RTN1: variants seen among roughly 807,000 people sequenced by gnomAD.
RTN1 encodes reticulon 1, also known as reticulon-1.
Under a neutral mutation model 65.5 loss-of-function variants are expected in RTN1, and 25 were observed. That is an observed-to-expected ratio of 0.38 (90% confidence interval 0.28 to 0.53). RTN1 has a LOEUF of 0.53. Ranked by LOEUF, RTN1 falls within the 20% of genes least tolerant of loss-of-function variation. The pLI is 0.79. For missense variants in RTN1, 983 were observed against 1,025.4 expected (o/e 0.96, Z 0.57); for synonymous variants, 471 against 447.6 (o/e 1.05, Z -0.66).
At chr14:59,720,943 A>G (rs1884634434) in intron 3 of RTN1, among the ~76,000 whole-genome samples, 1 of 152,152 alleles carries the variant, frequency 6.6e-6, no homozygotes, top group Non-Finnish European at 1.5e-5. Context: ...AAGAATCTTT[A>G]TAGCCCGGTA....
intron 3 of RTN1, among the ~76,000 whole-genome samples, chr14:59,694,629 C>T (rs1254336236): frequency 6.6e-6 from 1 of 152,216 alleles, no homozygotes; most frequent in Non-Finnish European, 1.5e-5. Context: ...CTTAGAGCCT[C>T]ACAGCTCAGG....
At chr14:59,719,238 C>T (rs997149976) in intron 3 of RTN1, among the ~76,000 whole-genome samples, 1 of 152,210 alleles carries the variant, frequency 6.6e-6, no homozygotes, top group Non-Finnish European at 1.5e-5. Context: ...TTCCCCTTGC[C>T]TACCACATTC....
Position 59,846,504 on chromosome 14 carries a change from AC to A in RTN1, c.241+23885del, listed in dbSNP as rs1391201814. ...TCTCAGTATTCACCTCAGAGTCCCT[AC>A]CCAGACACCCTTCTGTTCAGTGTTT... On this transcript the variant is annotated intron_variant, in intron 1 of 8. Transcript: ENST00000267484. This position sits in a 1 kb window ranked among gnomAD's most constrained non-coding sequence, Gnocchi z 4.8. Among the ~76,000 whole-genome samples the A allele has an allele frequency of 1.3e-5, 2 of 151,780 alleles. No individual in the cohort carries two copies. Among genetic ancestry groups the A allele is most frequent in the African/African-American group, 4.8e-5 (2 of 41,326 alleles).
chr14:59,808,971 C>A (rs1390942712), intron 1 of RTN1, among the ~76,000 whole-genome samples: 1 of 152,114 alleles, frequency 6.6e-6, no homozygotes, highest in Non-Finnish European at 1.5e-5. Context: ...GCGAATTAAA[C>A]CTCTTTTATT....
intron 3 of RTN1, among the ~76,000 whole-genome samples, chr14:59,709,232 T>C (rs886494288): frequency 6.6e-6 from 1 of 152,190 alleles, no homozygotes; most frequent in Non-Finnish European, 1.5e-5. Flanking sequence ...ACAAAACAAA[T>C]ATGACAAAAT....
intron 1 of RTN1, among the ~76,000 whole-genome samples, chr14:59,835,194 CACA>C (rs750185591): frequency 8.5e-4 from 129 of 151,490 alleles, no homozygotes; most frequent in Non-Finnish European, 1.6e-3. Flanking sequence ...TGCTGATACA[CACA>C]ACAACATGAA....
chr14:59,724,602 C>A (rs567512610), intron 3 of RTN1, among the ~76,000 whole-genome samples: 1 of 152,048 alleles, frequency 6.6e-6, no homozygotes, highest in Non-Finnish European at 1.5e-5. Flanking sequence ...TGGTGGCTCA[C>A]GCCTGTAATC....
Position 59,749,412 on chromosome 14 carries a change from ATATATATC to A in RTN1, c.242-2939_242-2932del, listed in dbSNP as rs1259430487. ...TATATATCTATATATATCTATATCT[ATATATATC>A]TATATATCTATATATATCTATATCT... On this transcript the variant is annotated intron_variant, in intron 1 of 8. Coordinates refer to ENST00000267484, the MANE Select transcript of RTN1 (RefSeq NM_021136.3). Among the ~76,000 whole-genome samples the A allele has an allele frequency of 1.4e-3, 51 of 37,764 alleles. 6 individuals are homozygous for A. Among genetic ancestry groups the A allele is most frequent in the African/African-American group, 8.8e-3 (37 of 4,186 alleles). The allele number at this position is 37,764 out of a possible 152,430, so 24.8% of individuals were successfully genotyped here.
intron 1 of RTN1, among the ~76,000 whole-genome samples, chr14:59,833,435 T>C (rs188869337): frequency 1.3e-5 from 2 of 152,302 alleles, no homozygotes; most frequent in South Asian, 2.1e-4. Flanking sequence ...ATATTCAATA[T>C]AGTAATATAT....
rs766558589 is a variant in RTN1, at chr14:59,664,588, A to G, written c.1766-57096T>C. Among the ~76,000 whole-genome samples, 4 of 152,310 alleles carry G rather than the reference A, an allele frequency of 2.6e-5. No individual in the cohort carries two copies. The East Asian group carries it at 7.7e-4, about 29-fold the overall frequency. ...TCAATTAAGAAATCAGTAACATAGA[A>G]TATTTAAACCTATGCCCATGTGTAT... On this transcript the variant is annotated intron_variant, in intron 3 of 8. Transcript: ENST00000267484.
chr14:59,603,335 G>T, intron 6 of RTN1, 77 bp from the exon 7 acceptor site: 1 of 1,087,392 alleles, frequency 9.2e-7, no homozygotes. Context: ...TTTTTATATG[G>T]TTATATGATA....
At chr14:59,810,616 A>G (rs1886712050) in intron 1 of RTN1, among the ~76,000 whole-genome samples, 1 of 152,166 alleles carries the variant, frequency 6.6e-6, no homozygotes, top group Non-Finnish European at 1.5e-5. Flanking sequence ...ACAACTATAA[A>G]AAGATGTGAT....
rs1204294399 is a variant in RTN1 at position 59,794,954 on chromosome 14, C to T, written c.242-48473G>A. Among the ~76,000 whole-genome samples the T allele has an allele frequency of 2.0e-5, 3 of 152,092 alleles. No individual in the cohort carries two copies. The highest frequency in any genetic ancestry group is 4.4e-5 in the Non-Finnish European group (3 of 68,004). Reference sequence around the variant, plus strand: ...GGAGGAAACCTAGCAGCTTATGTACCTTGAACTTTACACAGATTGTTTGAT... The same window carrying T: ...GGAGGAAACCTAGCAGCTTATGTACTTTGAACTTTACACAGATTGTTTGAT... On this transcript the variant is annotated intron_variant, in intron 1 of 8. Coordinates refer to ENST00000267484, the MANE Select transcript of RTN1 (RefSeq NM_021136.3). This position sits in a 1 kb window ranked among gnomAD's most constrained non-coding sequence, Gnocchi z 5.1.
chr14:59,713,740 C>A (rs962043670), intron 3 of RTN1, among the ~76,000 whole-genome samples: 1 of 152,136 alleles, frequency 6.6e-6, no homozygotes, highest in Non-Finnish European at 1.5e-5. Context: ...TGTGGTTATA[C>A]AAGATTTGTA....
chr14:59,627,505 A>T (rs1882432008), intron 3 of RTN1, among the ~76,000 whole-genome samples: 1 of 152,250 alleles, frequency 6.6e-6, no homozygotes, highest in Non-Finnish European at 1.5e-5. Flanking sequence ...GATGGTACTG[A>T]TCTGTAAGAT....
In RTN1 at chr14:59,819,430, CCA is replaced by C. The variant is rs1566737528; in HGVS notation, c.241+50958_241+50959del. Among the ~76,000 whole-genome samples, 29 of 11,154 alleles carry C rather than the reference CCA, an allele frequency of 2.6e-3. 5 individuals carry two copies. Among genetic ancestry groups the C allele is most frequent in the Non-Finnish European group, 6.2e-3 (15 of 2,410 alleles). 7.3% of individuals were successfully genotyped at this position (11,154 alleles called of 152,430 possible). ...ACCACCACCACCCCCCCCCCACCCC[CCA>C]CCCCCCCCCCCCGGCCACAGCTAGA... On this transcript the variant is annotated intron_variant, in intron 1 of 8. Coordinates refer to ENST00000267484, the MANE Select transcript of RTN1 (RefSeq NM_021136.3).
At chr14:59,785,707 G>T (rs1886238438) in intron 1 of RTN1, among the ~76,000 whole-genome samples, 1 of 152,160 alleles carries the variant, frequency 6.6e-6, no homozygotes, top group African/African-American at 2.4e-5. Context: ...AAAACAACTT[G>T]CTTAAAGTCA....
intron 1 of RTN1, among the ~76,000 whole-genome samples, chr14:59,795,645 G>A (rs1033785774): frequency 1.8e-4 from 28 of 152,302 alleles, no homozygotes; most frequent in African/African-American, 6.5e-4. Flanking sequence ...CAAGGAAGCT[G>A]CATTCACCTC....
chr14:59,630,608 C>T, intron 3 of RTN1: 9 of 1,579,092 alleles, frequency 5.7e-6, no homozygotes, highest in Non-Finnish European at 6.9e-6. Flanking sequence ...AGTGGCCGCG[C>T]GGCTGCGGAG....
Sources: allele counts gnomAD v4.1 joint callset (sites outside exome capture counted in the v4.1 genomes callset), GRCh38; gene constraint gnomAD v4.1.1; non-coding constraint Gnocchi (gnomAD v3.1); transcripts MANE v1.5; gene names NCBI Gene and HGNC (gene_info 2026-07-23, HGNC 2026-07-21).